The following ADARB2 variants were observed in gnomAD, a reference collection of about 807,000 sequenced individuals.
The protein encoded by ADARB2 is inactive double-stranded RNA-specific editase B2.
A neutral mutation model predicts 62.2 loss-of-function variants in ADARB2; 25 were observed. The observed-to-expected ratio is 0.40, with a 90% confidence interval of 0.29 to 0.56. The LOEUF (loss-of-function observed/expected upper bound fraction) is 0.56. Ranked by LOEUF, ADARB2 falls within the 20% of genes least tolerant of loss-of-function variation. The pLI, the probability that ADARB2 is intolerant of heterozygous loss-of-function variation, is 0.43. For missense variants in ADARB2, 1,071 were observed against 1,077.4 expected (o/e 0.99, Z 0.08); for synonymous variants, 572 against 500.8 (o/e 1.14, Z -1.90).
chr10:1,314,433 C>T (rs1194055178), intron 3 of ADARB2, among the ~76,000 whole-genome samples: 1 of 146,998 alleles, frequency 6.8e-6, no homozygotes, highest in Non-Finnish European at 1.5e-5. Context: ...TCTGCCCCTG[C>T]AGCCAGTCCT....
intron 3 of ADARB2, among the ~76,000 whole-genome samples, chr10:1,337,149 A>G (rs940988491): frequency 7.2e-5 from 11 of 152,084 alleles, no homozygotes; most frequent in African/African-American, 2.7e-4. Flanking sequence ...CTAGGGGAAA[A>G]TAGAAAGTGG....
At chr10:1,233,614 TGTGAAA>T (rs1394262830) in intron 6 of ADARB2, 74 bp downstream of exon 6, 7 of 1,443,972 alleles carry the variant, frequency 4.8e-6, no homozygotes, top group Non-Finnish European at 6.5e-6. Context: ...TGCCCTGGGC[TGTGAAA>T]GCCCAGGACA....
At chr10:1,245,385 G>T (rs908960105) in intron 4 of ADARB2, among the ~76,000 whole-genome samples, 1 of 151,774 alleles carries the variant, frequency 6.6e-6, no homozygotes, top group Non-Finnish European at 1.5e-5. Context: ...TGTGCACAAC[G>T]TGCAGGTTAG....
chr10:1,511,181 C>T (rs1203799070), intron 1 of ADARB2, among the ~76,000 whole-genome samples: 1 of 151,906 alleles, frequency 6.6e-6, no homozygotes, highest in Non-Finnish European at 1.5e-5. Flanking sequence ...TATTTTTGTG[C>T]TGCTGGGGTG....
intron 1 of ADARB2, among the ~76,000 whole-genome samples, chr10:1,447,261 T>C (rs968881065): frequency 3.9e-5 from 6 of 152,230 alleles, no homozygotes; most frequent in Non-Finnish European, 8.8e-5. Flanking sequence ...GCTCCACAGG[T>C]ATCTGAGATT....
chr10:1,419,586 T>C (rs1832835810), intron 1 of ADARB2, among the ~76,000 whole-genome samples: 1 of 152,248 alleles, frequency 6.6e-6, no homozygotes, highest in South Asian at 2.1e-4. Flanking sequence ...AGAGGGACGG[T>C]AAGCCCAGAT....
chr10:1,719,415 G>A (rs7922223), intron 1 of ADARB2, among the ~76,000 whole-genome samples: 2 of 152,040 alleles, frequency 1.3e-5, no homozygotes, highest in Admixed American at 1.3e-4. Context: ...AAAAAACAAT[G>A]CCTTCTAAAT....
intron 3 of ADARB2, among the ~76,000 whole-genome samples, chr10:1,349,825 C>T (rs1832117662): frequency 6.6e-6 from 1 of 152,100 alleles, no homozygotes; most frequent in Non-Finnish European, 1.5e-5. Flanking sequence ...ATCCATGTTC[C>T]ACTGATGTCT....
In ADARB2 at chr10:1,206,286, C is replaced by T. The variant is rs548674071; in HGVS notation, c.1683-6139G>A. Among the ~76,000 whole-genome samples, 135 of 152,286 alleles carry T rather than the reference C, an allele frequency of 8.9e-4. 1 individual carries two copies. The highest frequency in any genetic ancestry group is 2.9e-3 in the African/African-American group (119 of 41,564). On this transcript the variant is annotated intron_variant, in intron 7 of 9. Transcript: ENST00000381312. The stretch of plus-strand genomic sequence containing the variant: ...TTCCTCCTTAAGCCGGCTACCTGCG[C>T]GGGGGCCACGCTCTCCCACTGGGAG...
At chr10:1,224,134 C>T (rs1830721955) in intron 6 of ADARB2, among the ~76,000 whole-genome samples, 1 of 152,182 alleles carries the variant, frequency 6.6e-6, no homozygotes, top group African/African-American at 2.4e-5. Context: ...GATTCAGCTT[C>T]TTCCTTGTTT....
At chr10:1,522,295 T>C (rs1832082420) in intron 1 of ADARB2, among the ~76,000 whole-genome samples, 1 of 152,118 alleles carries the variant, frequency 6.6e-6, no homozygotes, top group African/African-American at 2.4e-5. Context: ...TCAGAGACAA[T>C]TGATCTCTGG....
intron 1 of ADARB2, among the ~76,000 whole-genome samples, chr10:1,714,904 A>C (rs943973519): frequency 6.6e-6 from 1 of 152,174 alleles, no homozygotes; most frequent in Admixed American, 6.5e-5. Context: ...CACAACGTGC[A>C]GGTTTGTTAC....
intron 1 of ADARB2, among the ~76,000 whole-genome samples, chr10:1,683,988 G>A (rs1260349813): frequency 1.3e-5 from 2 of 152,178 alleles, no homozygotes; most frequent in Middle Eastern, 3.2e-3. Flanking sequence ...CCAAAGAGCC[G>A]GGATCCCACA....
rs114347219 is a variant in ADARB2 at position 1,728,579 on chromosome 10, C to G, written c.100+8472G>C. On this transcript the variant is annotated intron_variant, in intron 1 of 9. Coordinates refer to ENST00000381312, the MANE Select transcript of ADARB2 (RefSeq NM_018702.4). Reference sequence around the variant, plus strand: ...ACATGTTAACGGCATGCCTTCTATTCATTACCCACATACAAGAGCCCCTGT... The same window carrying G: ...ACATGTTAACGGCATGCCTTCTATTGATTACCCACATACAAGAGCCCCTGT... Among the ~76,000 whole-genome samples, 567 of 152,308 alleles carry G rather than the reference C, an allele frequency of 3.7e-3. 9 individuals carry two copies. The highest frequency in any genetic ancestry group is 0.013 in the African/African-American group (551 of 41,558).
chr10:1,195,127 C>A (rs1390489899), intron 8 of ADARB2, among the ~76,000 whole-genome samples: 3 of 152,182 alleles, frequency 2.0e-5, no homozygotes, highest in African/African-American at 7.2e-5. Context: ...CACCTCTCAG[C>A]CCTTCAGCTT....
intron 1 of ADARB2, among the ~76,000 whole-genome samples, chr10:1,690,811 C>A (rs754741357): frequency 6.6e-6 from 1 of 152,210 alleles, no homozygotes; most frequent in African/African-American, 2.4e-5. Context: ...CACTGTCATT[C>A]GGCTTGGCCG....
intron 2 of ADARB2, among the ~76,000 whole-genome samples, chr10:1,373,797 C>A (rs1201410249): frequency 1.2e-5 from 1 of 84,514 alleles, no homozygotes; most frequent in South Asian, 4.1e-4. Flanking sequence ...ACTCCGCGCA[C>A]CTTTCCTAGT....
intron 1 of ADARB2, among the ~76,000 whole-genome samples, chr10:1,654,092 A>T (rs925932729): frequency 2.6e-5 from 4 of 151,898 alleles, no homozygotes; most frequent in African/African-American, 9.7e-5. Context: ...TCTCCTCTCC[A>T]CGCCTGCTCC....
intron 4 of ADARB2, among the ~76,000 whole-genome samples, chr10:1,245,443 T>C (rs1456216471): frequency 3.9e-5 from 6 of 152,112 alleles, no homozygotes; most frequent in African/African-American, 1.4e-4. Context: ...CCTGTTAACT[T>C]GTCATTTAAC....
Sources: allele counts gnomAD v4.1 joint callset (sites outside exome capture counted in the v4.1 genomes callset), GRCh38; gene constraint gnomAD v4.1.1; transcripts MANE v1.5; gene names NCBI Gene and HGNC (gene_info 2026-07-23, HGNC 2026-07-21).